The following MIPEP variants were observed in gnomAD, a reference collection of about 807,000 sequenced individuals.
The protein encoded by MIPEP is mitochondrial intermediate peptidase.
In MIPEP, 79 loss-of-function variants were observed where a neutral mutation model predicts 90.3. The ratio of observed to expected loss-of-function variants is 0.87; its 90% CI spans 0.73 to 1.05. MIPEP has a LOEUF of 1.05. Among genes scored for constraint, MIPEP ranks in the 50% least tolerant of loss-of-function variants. MIPEP has a pLI of 0.00. For missense variants in MIPEP, 940 were observed against 905.6 expected (o/e 1.04, Z -0.49); for synonymous variants, 334 against 315.8 (o/e 1.06, Z -0.61).
At chr13:23,767,889 C>G (rs1319402699) in intron 16 of MIPEP, among the ~76,000 whole-genome samples, 2 of 152,008 alleles carry the variant, frequency 1.3e-5, no homozygotes, top group Non-Finnish European at 2.9e-5. Flanking sequence ...CCCCTTTTTC[C>G]TTTTAGAAAC....
At chr13:23,772,700 T>C (rs1952666485) in intron 16 of MIPEP, among the ~76,000 whole-genome samples, 1 of 152,134 alleles carries the variant, frequency 6.6e-6, no homozygotes, top group African/African-American at 2.4e-5. Flanking sequence ...TCCTTCTAGA[T>C]CTATAGGTTA....
chr13:23,749,726 A>G (rs936781028), intron 18 of MIPEP, among the ~76,000 whole-genome samples: 1 of 152,178 alleles, frequency 6.6e-6, no homozygotes, highest in Admixed American at 6.5e-5. Flanking sequence ...CAACTGAAGC[A>G]CGGAGCTTGG....
In MIPEP at chr13:23,841,361, C is replaced by T; in HGVS notation, c.1234G>A (p.Val412Met). ...AGTTTTCGGACATCTTCGCTCCACA[C>T]CTCTCCTTTTGCAGGCTGCTCTGCA... ...LYAEQPAKGEVWSEDVRKLAV... is the reference protein window; with the variant it reads ...LYAEQPAKGEMWSEDVRKLAV... The change falls in exon 11 of 19, where the codon GTG (valine) becomes ATG (methionine). Residue 412 changes from valine to methionine, a missense_variant. By Grantham distance (21) the Val-to-Met change is conservative. Coordinates refer to ENST00000382172, the MANE Select transcript of MIPEP (RefSeq NM_005932.4). 3 of 1,613,496 alleles carry T rather than the reference C, an allele frequency of 1.9e-6. No homozygotes were observed. The highest frequency in any genetic ancestry group is 2.5e-6 in the Non-Finnish European group (3 of 1,179,866).
At chr13:23,737,320 A>G (rs1427889544) in intron 18 of MIPEP, among the ~76,000 whole-genome samples, 1 of 152,184 alleles carries the variant, frequency 6.6e-6, no homozygotes, top group Non-Finnish European at 1.5e-5. Context: ...GCCTCTTCCC[A>G]TCAGGGCACA....
chr13:23,862,258 G>T, intron 9 of MIPEP, 44 bp downstream of exon 9: 2 of 1,156,980 alleles, frequency 1.7e-6, no homozygotes, highest in African/African-American at 1.5e-5. Context: ...GATTTCAGTT[G>T]ACAGACTGTC....
intron 16 of MIPEP, among the ~76,000 whole-genome samples, chr13:23,804,577 TA>T (rs1953084326): frequency 1.3e-5 from 2 of 152,166 alleles, no homozygotes; most frequent in African/African-American, 4.8e-5. Flanking sequence ...CATGTAAGAT[TA>T]AAAAATTAGT....
intron 14 of MIPEP, among the ~76,000 whole-genome samples, chr13:23,825,016 T>G (rs1306174072): frequency 6.6e-6 from 1 of 152,212 alleles, no homozygotes; most frequent in Non-Finnish European, 1.5e-5. Context: ...ACAGTTTGCG[T>G]CCATTATTAA....
At chr13:23,757,362 A>G (rs1952499501) in intron 17 of MIPEP, among the ~76,000 whole-genome samples, 1 of 152,120 alleles carries the variant, frequency 6.6e-6, no homozygotes, top group Admixed American at 6.6e-5. Context: ...TCACCCACCC[A>G]CCACACCTCC....
intron 18 of MIPEP, among the ~76,000 whole-genome samples, chr13:23,749,491 T>C (rs1169441189): frequency 3.9e-5 from 6 of 152,222 alleles, no homozygotes; most frequent in South Asian, 2.1e-4. Flanking sequence ...TGTCTGAAAC[T>C]GAAGTGAGTT....
At chr13:23,818,450 G>A (rs550530372) in intron 14 of MIPEP, among the ~76,000 whole-genome samples, 5 of 150,956 alleles carry the variant, frequency 3.3e-5, no homozygotes, top group African/African-American at 7.3e-5. Context: ...ATAAATAAAT[G>A]AATAAATAAA....
At chr13:23,735,622 A>T (rs1402399583) in intron 18 of MIPEP, among the ~76,000 whole-genome samples, 1 of 152,124 alleles carries the variant, frequency 6.6e-6, no homozygotes, top group Admixed American at 6.5e-5. Flanking sequence ...CAATTCCTGT[A>T]TCTCACAGAA....
At chr13:23,836,020 A>G (rs1046179187) in intron 14 of MIPEP, among the ~76,000 whole-genome samples, 1 of 152,212 alleles carries the variant, frequency 6.6e-6, no homozygotes, top group Non-Finnish European at 1.5e-5. Context: ...GGCATGTAAT[A>G]AAGGGTAGCT....
intron 13 of MIPEP, 134 bp downstream of exon 13, chr13:23,837,418 A>T: frequency 1.5e-6 from 1 of 663,726 alleles, no homozygotes; most frequent in Non-Finnish European, 2.6e-6. Context: ...GGGCAGGATG[A>T]GGCAATCTGA....
rs1398016105 is a variant in MIPEP, at chr13:23,889,170, G to A, written c.151C>T (p.Pro51Ser). The change falls in exon 1 of 19, where the codon CCC becomes TCC. Residue 51 changes from proline (P) to serine (S), a missense_variant. Coordinates refer to ENST00000382172, the MANE Select transcript of MIPEP (RefSeq NM_005932.4). ...AACAGGTCCAAGCGGCTGCCCTGGGGCTTGACATTGAAGGCGGCGCCCACG... is the reference window on the plus strand; with the variant it reads ...AACAGGTCCAAGCGGCTGCCCTGGGACTTGACATTGAAGGCGGCGCCCACG... ...SPVGAAFNVK[P>S]QGSRLDLFGE... 7 of 1,467,024 alleles carry A rather than the reference G, an allele frequency of 4.8e-6. No homozygotes were observed. The South Asian group carries it at 6.7e-5, about 14-fold the overall frequency. 90.9% of individuals were successfully genotyped at this position (1,467,024 alleles called of 1,614,324 possible).
intron 10 of MIPEP, among the ~76,000 whole-genome samples, chr13:23,856,592 C>T (rs1474122329): frequency 6.6e-6 from 1 of 152,118 alleles, no homozygotes; most frequent in Non-Finnish European, 1.5e-5. Context: ...GGCCTTGGCA[C>T]TAGTAAACTG....
Position 23,730,302 on chromosome 13 carries a change from G to T in MIPEP, c.*46C>A. 1 of 1,263,538 alleles carries T rather than the reference G, an allele frequency of 7.9e-7. No homozygotes were observed. The highest frequency in any genetic ancestry group is 1.3e-5 in the South Asian group (1 of 79,286). The allele number at this position is 1,263,538 out of a possible 1,614,324, so 78.3% of individuals were successfully genotyped here. ...TCACAGCTGTAGCATTTATAACAAAGTCATTATCTACATGACCTTGATTTA... is the reference window on the plus strand; with the variant it reads ...TCACAGCTGTAGCATTTATAACAAATTCATTATCTACATGACCTTGATTTA... On this transcript the variant is annotated 3_prime_UTR_variant, in exon 19 of 19. Coordinates refer to ENST00000382172, the MANE Select transcript of MIPEP (RefSeq NM_005932.4).
intron 14 of MIPEP, among the ~76,000 whole-genome samples, chr13:23,814,090 T>G (rs1211578113): frequency 3.9e-5 from 6 of 152,212 alleles, no homozygotes; most frequent in African/African-American, 1.2e-4. Context: ...GCATCATAAA[T>G]AATTTTCACC....
At chr13:23,852,004 T>C (rs1869819820) in intron 10 of MIPEP, among the ~76,000 whole-genome samples, 1 of 152,164 alleles carries the variant, frequency 6.6e-6, no homozygotes, top group African/African-American at 2.4e-5. Flanking sequence ...ACTAGTGAAA[T>C]GATGCCACAA....
Position 23,820,669 on chromosome 13 carries a change from G to A in MIPEP, c.1654-10745C>T, listed in dbSNP as rs192287411. On this transcript the variant is annotated intron_variant, in intron 14 of 18. Coordinates refer to ENST00000382172, the MANE Select transcript of MIPEP (RefSeq NM_005932.4). Reference sequence around the variant, plus strand: ...AGCTTCTCTTCAGCTCTTCTCCATCGCACCTGGCTCTGCCTCTCCCAGGCC... The same window carrying A: ...AGCTTCTCTTCAGCTCTTCTCCATCACACCTGGCTCTGCCTCTCCCAGGCC... Among the ~76,000 whole-genome samples, 828 of 152,066 alleles carry A rather than the reference G, an allele frequency of 5.4e-3. 1 individual carries two copies. The highest frequency in any genetic ancestry group is 8.4e-3 in the Non-Finnish European group (572 of 67,978).
Sources: gnomAD v4.1 joint callset for allele counts (sites outside exome capture counted in the v4.1 genomes callset) on GRCh38, gnomAD v4.1.1 for gene constraint, MANE v1.5 for transcripts, NCBI Gene and HGNC (gene_info 2026-07-23, HGNC 2026-07-21) for gene names.